Variants in MZT2A observed in about 807,000 individuals in gnomAD.
MZT2A encodes mitotic-spindle organizing protein 2A.
In MZT2A, 8 loss-of-function variants were observed where a neutral mutation model predicts 12.4. The observed-to-expected ratio is 0.64, with a 90% CI of 0.38 to 1.16. The LOEUF (loss-of-function observed/expected upper bound fraction) is 1.16. Ranked by LOEUF, MZT2A falls within the 50% of genes most tolerant of loss-of-function variation. The pLI is 0.01. For missense variants in MZT2A, 181 were observed against 223.6 expected (o/e 0.81, Z 1.22); for synonymous variants, 88 against 107.5 (o/e 0.82, Z 1.12).
At chr2:131,492,923 C>A (rs1193079256), upstream of MZT2A, 3 of 1,521,086 alleles carry the variant, frequency 2.0e-6, no homozygotes, top group African/African-American at 1.4e-5. Context: ...ACTCCCTCCC[C>A]CCGCACTCCT....
At chr2:131,491,425 C>A (rs1679296935) in intron 2 of MZT2A, 1 of 275,948 alleles carries the variant, frequency 3.6e-6, no homozygotes, top group Non-Finnish European at 7.0e-6. Flanking sequence ...GGACAGAGAT[C>A]GAGACTGTCT....
chr2:131,480,062 C>G, downstream of MZT2A: 1 of 1,574,038 alleles, frequency 6.4e-7, no homozygotes, highest in East Asian at 2.2e-5. Flanking sequence ...TGTGTGGTTT[C>G]TCTCAGGCGG....
downstream of MZT2A, chr2:131,480,582 G>A: frequency 6.2e-7 from 1 of 1,611,520 alleles, no homozygotes; most frequent in Non-Finnish European, 8.5e-7. Flanking sequence ...TGCCTGCTTC[G>A]AGCCAGCCAA....
intron 2 of MZT2A, chr2:131,472,323 A>G: frequency 1.8e-6 from 1 of 566,312 alleles, no homozygotes; most frequent in African/African-American, 2.0e-5. Flanking sequence ...AATAAAATAC[A>G]CAAGGCAGCA....
chr2:131,469,803 C>T (rs1704941565), intron 4 of MZT2A: 2 of 139,994 alleles, frequency 1.4e-5, no homozygotes, highest in Admixed American at 6.6e-5. Flanking sequence ...TAGCTTCCTC[C>T]CCCCCTTTTT....
At position 131,490,855 on chromosome 2, in the gene MZT2A, AG is replaced by A. The variant is rs1329591280; in HGVS notation, c.319+1020del. ...GGCTGGAGGAAAACGAGGGCCTTGC[AG>A]GGGGGCTACTGTTCCTGGCAGAGAG... On this transcript the variant is annotated intron_variant, in intron 2 of 2. Transcript: ENST00000309451. The A allele has an allele frequency of 2.6e-5, 41 of 1,550,016 alleles. No homozygotes were observed. The African/African-American group carries it at 4.9e-4, about 19-fold the overall frequency.
downstream of MZT2A, chr2:131,480,895 T>C (rs959224126): frequency 2.5e-6 from 3 of 1,218,084 alleles, no homozygotes; most frequent in East Asian, 2.5e-5. Context: ...GAGTTGATAA[T>C]TGATTCAGTG....
upstream of MZT2A, among the ~76,000 whole-genome samples, chr2:131,493,563 C>A (rs1679435018): frequency 6.6e-6 from 1 of 152,084 alleles, no homozygotes; most frequent in Non-Finnish European, 1.5e-5. Flanking sequence ...GCCCAATTCG[C>A]AGGAGAGTTG....
At chr2:131,492,940 C>T (rs1573881609), upstream of MZT2A, 23 of 1,525,648 alleles carry the variant, frequency 1.5e-5, no homozygotes, top group East Asian at 4.3e-4. Flanking sequence ...TCCTGCCTCG[C>T]CATTTCCCCT....
At chr2:131,476,740 C>T (rs1248802088) in intron 2 of MZT2A, among the ~76,000 whole-genome samples, 1 of 152,140 alleles carries the variant, frequency 6.6e-6, no homozygotes, top group East Asian at 1.9e-4. Flanking sequence ...TCAAGATCAG[C>T]CCGACCAACA....
chr2:131,471,305 G>T (rs912177102), intron 3 of MZT2A, among the ~76,000 whole-genome samples: 1 of 140,630 alleles, frequency 7.1e-6, no homozygotes, highest in Non-Finnish European at 1.5e-5. Flanking sequence ...CTTAAAATCT[G>T]CCCCATTTTA....
At chr2:131,487,613 GTTC>G (rs1334305867) in intron 2 of MZT2A, among the ~76,000 whole-genome samples, 7 of 152,324 alleles carry the variant, frequency 4.6e-5, no homozygotes, top group African/African-American at 1.7e-4. Flanking sequence ...ATTCACCTTT[GTTC>G]TTTTTCTTGT....
chr2:131,490,147 C>A (rs976536589), intron 2 of MZT2A: 1 of 685,756 alleles, frequency 1.5e-6, no homozygotes. Flanking sequence ...GACCAAAGAC[C>A]CCTGGGCTCT....
intron 3 of MZT2A, among the ~76,000 whole-genome samples, chr2:131,471,758 G>T (rs1428308805): frequency 1.3e-5 from 2 of 151,330 alleles, no homozygotes; most frequent in Non-Finnish European, 2.9e-5. Context: ...GGGGCTGGGG[G>T]AGTTGCTGCT....
At chr2:131,492,583 T>C (rs1358695936), upstream of MZT2A, 85 of 1,176,934 alleles carry the variant, frequency 7.2e-5, no homozygotes, top group Non-Finnish European at 6.5e-5. Flanking sequence ...GCGCTAGGCG[T>C]CGGGAGTGGC....
At chr2:131,476,794 G>A (rs1366304464) in intron 2 of MZT2A, among the ~76,000 whole-genome samples, 1 of 151,664 alleles carries the variant, frequency 6.6e-6, no homozygotes, top group African/African-American at 2.4e-5. Context: ...AATTACCCGG[G>A]CATGGTGATG....
chr2:131,472,145 G>C, exon 3 of MZT2A: 1 of 1,289,828 alleles, frequency 7.8e-7, no homozygotes, highest in African/African-American at 1.5e-5. Context: ...GTGAAATCTT[G>C]TTGAGGCGCC....
intron 2 of MZT2A, chr2:131,490,750 G>C: frequency 6.5e-7 from 1 of 1,541,228 alleles, no homozygotes. Flanking sequence ...AGAGGCGGAG[G>C]GAACCCGGGG....
At chr2:131,472,780 G>A (rs1678493137) in intron 2 of MZT2A, among the ~76,000 whole-genome samples, 1 of 152,180 alleles carries the variant, frequency 6.6e-6, no homozygotes, top group African/African-American at 2.4e-5. Flanking sequence ...ATGATGCATT[G>A]TCGAGAACGT....
Sources: allele counts gnomAD v4.1 joint callset (sites outside exome capture counted in the v4.1 genomes callset), GRCh38; gene constraint gnomAD v4.1.1; transcripts MANE v1.5; gene names NCBI Gene and HGNC (gene_info 2026-07-23, HGNC 2026-07-21).